Variants in CHST6 observed in about 807,000 individuals in gnomAD.
CHST6 encodes the protein carbohydrate sulfotransferase 6.
For synonymous variants in CHST6, 309 were observed against 276.4 expected (o/e 1.12, Z -1.17); for missense variants, 698 against 586.2 (o/e 1.19, Z -1.97).
chr16:75,483,351 C>T (rs2080163103), intron 1 of CHST6, among the ~76,000 whole-genome samples: 1 of 152,202 alleles, frequency 6.6e-6, no homozygotes, highest in African/African-American at 2.4e-5. Flanking sequence ...TATTTGTTAC[C>T]TGTGTTCCAG....
chr16:75,479,628 G>A lies in CHST6; in HGVS notation c.201C>T (p.Phe67=). The change falls in exon 3 of 3, where the codon TTC becomes TTT. Residue 67 remains phenylalanine (F), a synonymous_variant. Coordinates refer to ENST00000332272, the MANE Select transcript of CHST6 (RefSeq NM_021615.5). The part of the protein sequence containing the change: ...GQLFNQHPDV[F]YLMEPAWHVW... The stretch of plus-strand genomic sequence containing the variant: ...CGTGCCACGCGGGCTCCATTAGGTA[G>A]AAGACGTCGGGGTGCTGGTTGAAGA... The A allele has an allele frequency of 6.2e-7, 1 of 1,612,860 alleles. No homozygotes were observed. Among genetic ancestry groups the A allele is most frequent in the Admixed American group, 1.7e-5 (1 of 60,008 alleles).
intron 1 of CHST6, among the ~76,000 whole-genome samples, chr16:75,483,018 G>A (rs1400008587): frequency 1.3e-5 from 2 of 152,202 alleles, no homozygotes; most frequent in African/African-American, 4.8e-5. Context: ...GAAAGAGAAG[G>A]GAACTCATTT....
chr16:75,479,823 C>T lies in CHST6; in HGVS notation c.6G>A (p.Trp2Ter), dbSNP rs753928736. 20 of 1,556,122 alleles carry T rather than the reference C, an allele frequency of 1.3e-5. No homozygotes were observed. The South Asian group carries it at 2.2e-4, about 17-fold the overall frequency. ...CTGCTGTGCTGGAGACGCGCGGCAGCCACATGCTGACTGCTGGGGGCCTTA... is the reference window on the plus strand; with the variant it reads ...CTGCTGTGCTGGAGACGCGCGGCAGTCACATGCTGACTGCTGGGGGCCTTA... M[W>*]LPRVSSTAVT... is the part of the protein sequence containing the mutation. Residue 2 changes from tryptophan to a stop codon, truncating the protein, a stop_gained, in exon 3 of 3, where the codon TGG becomes TGA. Transcript: ENST00000332272. LOFTEE classifies it low-confidence loss of function (END_TRUNC).
intron 1 of CHST6, among the ~76,000 whole-genome samples, chr16:75,489,994 T>A (rs960652119): frequency 1.3e-5 from 2 of 149,160 alleles, no homozygotes; most frequent in Admixed American, 1.3e-4. Context: ...CTGGCCAACA[T>A]GGTGAAACCC....
At position 75,478,957 on chromosome 16, in the gene CHST6, G is replaced by T. The variant is rs776726417; in HGVS notation, c.872C>A (p.Thr291Asn). ...GAGCTGTGGCGTGAGACTGAGCCCA[G>T]TGAAGGCGTAGAGCGCACGGATTTC... ...LAEIRALYAFTGLSLTPQLEA... is the reference protein window; with the variant it reads ...LAEIRALYAFNGLSLTPQLEA... The change falls in exon 3 of 3, where the codon ACT (threonine) becomes AAT (asparagine). Residue 291 changes from threonine to asparagine, a missense_variant. By Grantham distance (65) the Thr-to-Asn change is moderately conservative. Coordinates refer to ENST00000332272, the MANE Select transcript of CHST6 (RefSeq NM_021615.5). The T allele has an allele frequency of 1.2e-5, 20 of 1,612,968 alleles. 1 individual carries two copies. The highest frequency in any genetic ancestry group is 5.0e-5 in the Admixed American group (3 of 60,010).
rs1419781130 is a variant in CHST6 at position 75,474,039 on chromosome 16, G to C, written c.*4602C>G. On this transcript the variant is annotated 3_prime_UTR_variant, in exon 3 of 3. Coordinates refer to ENST00000332272, the MANE Select transcript of CHST6 (RefSeq NM_021615.5). ...ATACAAAAAAAATTAGCCGGGCGTG[G>C]TGGTGTACATCTGTAATCCCAGCTA... 6.6e-6 allele frequency: 1 copy of C among 152,144 alleles called. No individual in the cohort carries two copies. Among genetic ancestry groups the C allele is most frequent in the African/African-American group, 2.4e-5 (1 of 41,426 alleles). 9.4% of individuals were successfully genotyped at this position (152,144 alleles called of 1,614,324 possible).
At chr16:75,489,002 C>T (rs1437032869) in intron 1 of CHST6, among the ~76,000 whole-genome samples, 1 of 151,992 alleles carries the variant, frequency 6.6e-6, no homozygotes, top group African/African-American at 2.4e-5. Context: ...TTCCTACATG[C>T]CCAGTCTTTC....
At chr16:75,482,680 T>C (rs74024793) in intron 1 of CHST6, among the ~76,000 whole-genome samples, 2,621 of 152,282 alleles carry the variant, frequency 0.017, 76 homozygotes, top group African/African-American at 0.059. Context: ...CTGGGTGACT[T>C]TGGAAGGGAG....
At chr16:75,487,704 T>C (rs1420590638) in intron 1 of CHST6, among the ~76,000 whole-genome samples, 26 of 138,766 alleles carry the variant, frequency 1.9e-4, no homozygotes, top group African/African-American at 6.3e-4. Context: ...GAGGCTGAGG[T>C]GGGAGAATGG....
At chr16:75,489,355 T>A (rs371697364) in intron 1 of CHST6, among the ~76,000 whole-genome samples, 1 of 139,358 alleles carries the variant, frequency 7.2e-6, no homozygotes, top group East Asian at 2.1e-4. Flanking sequence ...GCCGAGATTG[T>A]GCCACTGCAC....
chr16:75,479,053 T>A lies in CHST6; in HGVS notation c.776A>T (p.Lys259Met). The change falls in exon 3 of 3, where the codon AAG (lysine) becomes ATG (methionine). Residue 259 changes from lysine (K) to methionine (M), a missense_variant. Transcript: ENST00000332272. ...GCGGCCGCGCAGAAAGGGTGGCGGC[T>A]TGAGTGTGGCGGCCTCGGCGATGCG... Reference protein sequence around the residue: ...HVRIAEAATLKPPPFLRGRYR... With the variant: ...HVRIAEAATLMPPPFLRGRYR... 6.2e-7 allele frequency: 1 copy of A among 1,607,984 alleles called. No individual in the cohort carries two copies. Among genetic ancestry groups the A allele is most frequent in the Non-Finnish European group, 8.5e-7 (1 of 1,179,612 alleles).
chr16:75,490,173 CAAAAAAAAAAAA>C (rs58903978), intron 1 of CHST6, among the ~76,000 whole-genome samples: 1 of 40,608 alleles, frequency 2.5e-5, no homozygotes, highest in South Asian at 9.7e-4. Flanking sequence ...GACTTTGCCT[CAAAAAAAAAAAA>C]AAAAAAAAAA....
chr16:75,493,965 C>T (rs2080283751), intron 1 of CHST6, among the ~76,000 whole-genome samples: 1 of 152,306 alleles, frequency 6.6e-6, no homozygotes, highest in African/African-American at 2.4e-5. Flanking sequence ...CTGCCTCAGC[C>T]TCCCAAGTAG....
intron 1 of CHST6, among the ~76,000 whole-genome samples, chr16:75,483,625 C>G (rs2080165295): frequency 6.6e-6 from 1 of 152,112 alleles, no homozygotes; most frequent in African/African-American, 2.4e-5. Context: ...TGCTATCATC[C>G]CAAGTCCCTG....
chr16:75,482,914 C>G (rs986548337), intron 1 of CHST6, among the ~76,000 whole-genome samples: 2 of 152,232 alleles, frequency 1.3e-5, no homozygotes, highest in Non-Finnish European at 1.5e-5. Flanking sequence ...ACCTGGAAGA[C>G]AGGGAGAGTA....
intron 2 of CHST6, 67 bp from the exon 3 acceptor site, chr16:75,479,911 G>A: frequency 7.3e-7 from 1 of 1,361,848 alleles, no homozygotes; most frequent in Non-Finnish European, 1.0e-6. Context: ...CCACTGCCCA[G>A]TGCCCGCAGG....
chr16:75,486,518 GC>G (rs963428602), intron 1 of CHST6, among the ~76,000 whole-genome samples: 27 of 152,196 alleles, frequency 1.8e-4, no homozygotes, highest in East Asian at 3.9e-4. Context: ...CACTGACCCT[GC>G]CCCCCCAGCC....
intron 2 of CHST6, among the ~76,000 whole-genome samples, 196 bp downstream of exon 2, chr16:75,481,621 T>C (rs780781293): frequency 9.9e-5 from 15 of 151,946 alleles, no homozygotes; most frequent in Non-Finnish European, 2.2e-4. Flanking sequence ...AGCCAATAAA[T>C]AAAGTGGACA....
rs11436257 is a variant in CHST6, at chr16:75,478,398, G to GC, written c.*242_*243insG. The GC allele has an allele frequency of 0.61, 342,031 of 556,188 alleles. 106,735 individuals are homozygous for GC. Among genetic ancestry groups the GC allele is most frequent in the Admixed American group, 0.72 (23,510 of 32,668 alleles). 34.5% of individuals were successfully genotyped at this position (556,188 alleles called of 1,614,324 possible). ...AACGCACACCCTGTGCCCAGAGGAG[G>GC]AGGGGCAAGAGTTGCTTTCCATGAA... On this transcript the variant is annotated 3_prime_UTR_variant, in exon 3 of 3. Transcript: ENST00000332272.
Sources: gnomAD v4.1 joint callset for allele counts (sites outside exome capture counted in the v4.1 genomes callset) on GRCh38, gnomAD v4.1.1 for gene constraint, MANE v1.5 for transcripts, NCBI Gene and HGNC (gene_info 2026-07-23, HGNC 2026-07-21) for gene names.